RMDN2: variants seen among roughly 807,000 people sequenced by gnomAD.
RMDN2 encodes regulator of microtubule dynamics protein 2.
In RMDN2, 61 loss-of-function variants were observed where a neutral mutation model predicts 52.8. The ratio of observed to expected loss-of-function variants is 1.16; its 90% CI spans 0.94 to 1.43. The LOEUF is 1.43. RMDN2 is among the 40% of genes most tolerant of loss of function. The pLI is 0.00. For missense variants in RMDN2, 592 were observed against 475.3 expected (o/e 1.25, Z -2.28); for synonymous variants, 180 against 153.1 (o/e 1.18, Z -1.30).
At chr2:37,972,271 C>T (rs1035088567) in intron 2 of RMDN2, among the ~76,000 whole-genome samples, 1 of 151,992 alleles carries the variant, frequency 6.6e-6, no homozygotes, top group African/African-American at 2.4e-5. Context: ...ATAATCATAA[C>T]ATCTGCAATA....
chr2:38,047,457 A>G (rs761705871), intron 10 of RMDN2, among the ~76,000 whole-genome samples: 19 of 152,256 alleles, frequency 1.2e-4, no homozygotes, highest in Non-Finnish European at 1.8e-4. Context: ...CTACTGATAC[A>G]TGCTACAAAG....
chr2:37,950,493 C>G (rs750734416), intron 2 of RMDN2: 2 of 1,612,456 alleles, frequency 1.2e-6, no homozygotes, highest in Non-Finnish European at 1.7e-6. Flanking sequence ...AGTCTTCTGA[C>G]CTGTTCCACC....
In RMDN2 at chr2:37,959,202, G is replaced by T. The variant is rs145110165; in HGVS notation, c.453-14838G>T. On this transcript the variant is annotated intron_variant, in intron 2 of 10. Transcript: ENST00000354545. ...AGGGAGAAGTCCCTCTTTTTCTGTTGTTTGGAATAGCTTCAGAAGGAATGG... is the reference window on the plus strand; with the variant it reads ...AGGGAGAAGTCCCTCTTTTTCTGTTTTTTGGAATAGCTTCAGAAGGAATGG... Among the ~76,000 whole-genome samples the T allele has an allele frequency of 3.9e-3, 596 of 151,098 alleles. 34 individuals are homozygous for T. Among genetic ancestry groups the T allele is most frequent in the Middle Eastern group, 0.014 (4 of 294 alleles).
At chr2:38,053,583 A>G (rs1681721756) in intron 10 of RMDN2, among the ~76,000 whole-genome samples, 1 of 152,226 alleles carries the variant, frequency 6.6e-6, no homozygotes, top group African/African-American at 2.4e-5. Flanking sequence ...GAAAAAATTT[A>G]CCTGAATGAA....
chr2:37,929,114 T>A, intron 1 of RMDN2, 148 bp from the exon 2 acceptor site: 1 of 585,776 alleles, frequency 1.7e-6, no homozygotes, highest in East Asian at 2.9e-5. Flanking sequence ...TACTTCCATT[T>A]GTCCTTTCCC....
At chr2:37,978,305 C>G (rs1378170280) in intron 4 of RMDN2, among the ~76,000 whole-genome samples, 1 of 113,664 alleles carries the variant, frequency 8.8e-6, no homozygotes, top group Non-Finnish European at 1.7e-5. Flanking sequence ...CAGAGGGAGA[C>G]CGTGCAAAGG....
chr2:37,949,340 G>T lies in RMDN2; in HGVS notation c.452+19611G>T, dbSNP rs115137205. ...GCAGATTTGCTTACTACTTGCTATA[G>T]AAGTGGTAGATCATCTAAGCTCAGC... On this transcript the variant is annotated intron_variant, in intron 2 of 10. Coordinates refer to ENST00000354545, the MANE Select transcript of RMDN2 (RefSeq NM_001170791.3). Among the ~76,000 whole-genome samples, 482 of 152,328 alleles carry T rather than the reference G, an allele frequency of 3.2e-3. 2 individuals carry two copies. Among genetic ancestry groups the T allele is most frequent in the African/African-American group, 0.011 (450 of 41,586 alleles).
At chr2:37,980,586 G>T (rs1373426653) in intron 4 of RMDN2, among the ~76,000 whole-genome samples, 14 of 152,154 alleles carry the variant, frequency 9.2e-5, no homozygotes, top group Non-Finnish European at 1.5e-5. Flanking sequence ...TTACAGGTGT[G>T]AGCCACCAGG....
At chr2:37,966,536 T>A (rs545472805) in intron 2 of RMDN2, among the ~76,000 whole-genome samples, 1 of 152,284 alleles carries the variant, frequency 6.6e-6, no homozygotes, top group African/African-American at 2.4e-5. Flanking sequence ...CTGGAACCCC[T>A]ACAATATGTG....
At chr2:37,924,488 C>T (rs1666127419), upstream of RMDN2, among the ~76,000 whole-genome samples, 1 of 152,218 alleles carries the variant, frequency 6.6e-6, no homozygotes, top group Admixed American at 6.5e-5. Context: ...CCTCATCCTC[C>T]CAAGTAGCTG....
chr2:37,930,489 A>G (rs1159311588), intron 2 of RMDN2, among the ~76,000 whole-genome samples: 1 of 152,080 alleles, frequency 6.6e-6, no homozygotes, highest in East Asian at 1.9e-4. Context: ...ACCAGAGGGG[A>G]ACCTGGGAGC....
intron 2 of RMDN2, chr2:37,952,970 T>C (rs1428812766): frequency 1.3e-5 from 2 of 152,080 alleles, no homozygotes; most frequent in East Asian, 1.9e-4. Flanking sequence ...TCAAAGTAGC[T>C]AATGAATAAA....
chr2:38,039,083 CACACACACACAGAG>C (rs760327761), intron 10 of RMDN2, among the ~76,000 whole-genome samples: 208 of 83,056 alleles, frequency 2.5e-3, no homozygotes, highest in East Asian at 4.0e-3. Flanking sequence ...CACACACACA[CACACACACACAGAG>C]AGAGAGATAA....
chr2:37,968,205 A>T (rs1000726478), intron 2 of RMDN2, among the ~76,000 whole-genome samples: 2 of 151,906 alleles, frequency 1.3e-5, no homozygotes, highest in African/African-American at 2.4e-5. Context: ...CTTTGGGAGG[A>T]CGAGGTGGGC....
chr2:38,051,710 A>ACTCT (rs375064239), intron 10 of RMDN2, among the ~76,000 whole-genome samples: 1,766 of 151,716 alleles, frequency 0.012, 53 homozygotes, highest in African/African-American at 0.039. Flanking sequence ...ATTTCATTCT[A>ACTCT]CTCTCTCTCT....
intron 10 of RMDN2, among the ~76,000 whole-genome samples, chr2:38,045,283 T>C (rs1681203174): frequency 6.6e-6 from 1 of 152,224 alleles, no homozygotes; most frequent in Non-Finnish European, 1.5e-5. Context: ...TAAGGGCTTT[T>C]CAACAGTCGA....
chr2:37,979,060 A>G (rs1672960092), intron 4 of RMDN2, among the ~76,000 whole-genome samples: 1 of 152,220 alleles, frequency 6.6e-6, no homozygotes, highest in Non-Finnish European at 1.5e-5. Flanking sequence ...AATAGGATAT[A>G]TCCAAAAGAG....
At chr2:37,966,666 T>G (rs766041130) in intron 2 of RMDN2, among the ~76,000 whole-genome samples, 11 of 152,280 alleles carry the variant, frequency 7.2e-5, no homozygotes, top group Admixed American at 1.3e-4. Context: ...AAAGTTTGCC[T>G]GGTTGTTTGT....
At chr2:37,966,097 T>C (rs1671004701) in intron 2 of RMDN2, among the ~76,000 whole-genome samples, 1 of 152,002 alleles carries the variant, frequency 6.6e-6, no homozygotes, top group African/African-American at 2.4e-5. Flanking sequence ...GTGGATCTTT[T>C]TGGGTTTATC....
Sources: gnomAD v4.1 joint callset for allele counts (sites outside exome capture counted in the v4.1 genomes callset) on GRCh38, gnomAD v4.1.1 for gene constraint, MANE v1.5 for transcripts, NCBI Gene and HGNC (gene_info 2026-07-23, HGNC 2026-07-21) for gene names.